The following DOCK8 variants were observed in gnomAD, a reference collection of about 807,000 sequenced individuals.
The protein encoded by DOCK8 is dedicator of cytokinesis protein 8.
A neutral mutation model predicts 245.6 loss-of-function variants in DOCK8; 141 were observed. The observed-to-expected ratio is 0.57, with a 90% CI of 0.50 to 0.66. DOCK8 has a LOEUF of 0.66. DOCK8 is among the 30% of genes least tolerant of loss of function. The pLI, the probability that DOCK8 is intolerant of heterozygous loss-of-function variation, is 0.00. For missense variants in DOCK8, 2,965 were observed against 2,603.4 expected (o/e 1.14, Z -3.02); for synonymous variants, 1,168 against 970.2 (o/e 1.20, Z -3.79).
chr9:275,526 G>A (rs1403581326), intron 2 of DOCK8, among the ~76,000 whole-genome samples: 1 of 152,036 alleles, frequency 6.6e-6, no homozygotes, highest in Non-Finnish European at 1.5e-5. Context: ...AAGTTCCCTG[G>A]GGACTTTAAC....
At chr9:221,446 ATATAG>A (rs2046880217) in intron 1 of DOCK8, among the ~76,000 whole-genome samples, 1 of 152,198 alleles carries the variant, frequency 6.6e-6, no homozygotes, top group South Asian at 2.1e-4. Context: ...TCCATACAAA[ATATAG>A]TATAATAACT....
rs552351227 is a variant in DOCK8, at chr9:286,207, T to C, written c.157-254T>C. On this transcript the variant is annotated intron_variant, in intron 2 of 47. Coordinates refer to ENST00000432829, the MANE Select transcript of DOCK8 (RefSeq NM_203447.4). ...TCAGGATTCCTCATCAAGTTGCAAT[T>C]AAGGAGAGAAAAATTCCGCCTTGGG... 2.0e-5 allele frequency among the ~76,000 whole-genome samples: 3 copies of C among 152,290 alleles called. No individual in the cohort carries two copies. The South Asian group carries it at 6.2e-4, about 32-fold the overall frequency.
chr9:356,402 C>G (rs887764091), intron 14 of DOCK8, among the ~76,000 whole-genome samples: 7 of 151,894 alleles, frequency 4.6e-5, no homozygotes, highest in African/African-American at 1.5e-4. Context: ...TGGTAGCAGG[C>G]GCCTGTAATC....
chr9:235,456 A>T (rs201096132), intron 1 of DOCK8, among the ~76,000 whole-genome samples: 3 of 152,228 alleles, frequency 2.0e-5, no homozygotes, highest in South Asian at 4.1e-4. Context: ...CTGCAGAGGT[A>T]ACTGCTGTCT....
rs1477414099 is a variant in DOCK8 at position 400,133 on chromosome 9, TCACCACCACCTCCACCATCACCAC to T, written c.3234+900_3234+923del. ...TCCACCACCACCAGCATCTTCACCA[TCACCACCACCTCCACCATCACCAC>T]CACCACCACCTCCACCATCACCACC... On this transcript the variant is annotated intron_variant, in intron 26 of 47. Transcript: ENST00000432829. Among the ~76,000 whole-genome samples, 88 of 29,086 alleles carry T rather than the reference TCACCACCACCTCCACCATCACCAC, an allele frequency of 3.0e-3. 9 individuals carry two copies. The highest frequency in any genetic ancestry group is 0.02 in the African/African-American group (73 of 3,726). The allele number at this position is 29,086 out of a possible 152,430, so 19.1% of individuals were successfully genotyped here.
chr9:431,508 C>A (rs2056711150), intron 36 of DOCK8, among the ~76,000 whole-genome samples: 1 of 151,894 alleles, frequency 6.6e-6, no homozygotes, highest in Admixed American at 6.6e-5. Context: ...CCACAGAAGT[C>A]CCCTGATTTA....
intron 20 of DOCK8, 51 bp downstream of exon 20, chr9:377,262 G>A: frequency 1.4e-6 from 2 of 1,478,886 alleles, no homozygotes; most frequent in Non-Finnish European, 9.1e-7. Context: ...AGCAAGCATT[G>A]CCTTCTTTAA....
intron 5 of DOCK8, among the ~76,000 whole-genome samples, chr9:307,567 A>C (rs924972452): frequency 1.3e-5 from 2 of 151,928 alleles, no homozygotes; most frequent in Non-Finnish European, 2.9e-5. Context: ...CATGTTGGTC[A>C]GGCTGATCTC....
intron 33 of DOCK8, among the ~76,000 whole-genome samples, chr9:422,403 C>G (rs2131652754): frequency 6.6e-6 from 1 of 152,234 alleles, no homozygotes; most frequent in East Asian, 1.9e-4. Flanking sequence ...ATAAAAGCAG[C>G]TGATTTTGCA....
At chr9:270,297 A>G (rs2048130013) in intron 1 of DOCK8, among the ~76,000 whole-genome samples, 1 of 152,224 alleles carries the variant, frequency 6.6e-6, no homozygotes, top group African/African-American at 2.4e-5. Flanking sequence ...ACTAGGATGA[A>G]GGTGCTCCAG....
At chr9:311,818 G>A in intron 5 of DOCK8, 136 bp from the exon 6 acceptor site, 2 of 1,073,042 alleles carry the variant, frequency 1.9e-6, no homozygotes, top group Non-Finnish European at 2.8e-6. Flanking sequence ...CAAATCCGCA[G>A]TTTCTTCAGA....
At chr9:344,317 A>G (rs2051761618) in intron 14 of DOCK8, among the ~76,000 whole-genome samples, 1 of 152,212 alleles carries the variant, frequency 6.6e-6, no homozygotes, top group African/African-American at 2.4e-5. Flanking sequence ...TTACTTCATG[A>G]AAATTTCACA....
chr9:230,307 G>C (rs201556857), intron 1 of DOCK8, among the ~76,000 whole-genome samples: 1 of 144,436 alleles, frequency 6.9e-6, no homozygotes, highest in African/African-American at 2.7e-5. Context: ...CTATCGTTGG[G>C]CATTTGGGTT....
intron 9 of DOCK8, among the ~76,000 whole-genome samples, chr9:328,611 G>C (rs1563926570): frequency 6.6e-6 from 1 of 152,156 alleles, no homozygotes; most frequent in African/African-American, 2.4e-5. Flanking sequence ...AAAATCTCTG[G>C]GCTAGAGTTT....
In DOCK8 at chr9:423,385, G is replaced by A. The variant is rs368491998; in HGVS notation, c.4241+1250G>A. 1.8e-4 allele frequency among the ~76,000 whole-genome samples: 27 copies of A among 152,274 alleles called. 1 individual carries two copies. The highest frequency in any genetic ancestry group is 6.5e-4 in the Admixed American group (10 of 15,292). On this transcript the variant is annotated intron_variant, in intron 33 of 47. Coordinates refer to ENST00000432829, the MANE Select transcript of DOCK8 (RefSeq NM_203447.4). ...GGTAGCCTAATGAGTCCCAGGGTTT[G>A]CTGAGCAAAATGTCGTAGAGCTAAA...
chr9:351,892 C>A (rs2052188283), intron 14 of DOCK8, among the ~76,000 whole-genome samples: 1 of 152,130 alleles, frequency 6.6e-6, no homozygotes, highest in Non-Finnish European at 1.5e-5. Flanking sequence ...TAGAACTTTC[C>A]CTGAAGTCAG....
intron 5 of DOCK8, among the ~76,000 whole-genome samples, chr9:308,326 C>T (rs74736145): frequency 6.6e-6 from 1 of 152,138 alleles, no homozygotes; most frequent in African/African-American, 2.4e-5. Context: ...TAAATAGGTA[C>T]AACTATTATG....
chr9:445,824 A>G (rs548014844), intron 43 of DOCK8, among the ~76,000 whole-genome samples: 1 of 152,356 alleles, frequency 6.6e-6, no homozygotes, highest in East Asian at 1.9e-4. Context: ...CTGTACACAC[A>G]TAGGAGTGGG....
chr9:452,551 A>T (rs2057502420), intron 46 of DOCK8: 1 of 157,980 alleles, frequency 6.3e-6, no homozygotes. Flanking sequence ...GATGAGCTCA[A>T]ACCAGGTCTT....
Sources: allele counts gnomAD v4.1 joint callset (sites outside exome capture counted in the v4.1 genomes callset), GRCh38; gene constraint gnomAD v4.1.1; transcripts MANE v1.5; gene names NCBI Gene and HGNC (gene_info 2026-07-23, HGNC 2026-07-21).